Variants in SYNDIG1 observed in about 807,000 individuals in gnomAD.
SYNDIG1 encodes synapse differentiation inducing 1, also known as synapse differentiation-inducing gene protein 1.
Under a neutral mutation model 19.4 loss-of-function variants are expected in SYNDIG1, and 9 were observed. The observed-to-expected ratio is 0.46, with a 90% CI of 0.28 to 0.81. SYNDIG1 has a LOEUF of 0.81. Ranked by LOEUF, SYNDIG1 falls within the 30% of genes least tolerant of loss-of-function variation. SYNDIG1 has a pLI of 0.12. For synonymous variants in SYNDIG1, 141 were observed against 145.9 expected (o/e 0.97, Z 0.24); for missense variants, 311 against 343.3 (o/e 0.91, Z 0.74).
At chr20:24,644,000 T>G (rs2059402414) in intron 3 of SYNDIG1, among the ~76,000 whole-genome samples, 1 of 152,258 alleles carries the variant, frequency 6.6e-6, no homozygotes, top group Admixed American at 6.5e-5. Flanking sequence ...TCATATATTT[T>G]GAAATGCAAG....
chr20:24,524,157 T>C (rs560802718), intron 1 of SYNDIG1, among the ~76,000 whole-genome samples: 1 of 152,300 alleles, frequency 6.6e-6, no homozygotes, highest in Non-Finnish European at 1.5e-5. Context: ...AAGGTTTTTC[T>C]CGCAACTTCG....
chr20:24,609,257 A>G (rs2058809902), intron 3 of SYNDIG1, among the ~76,000 whole-genome samples: 1 of 152,170 alleles, frequency 6.6e-6, no homozygotes, highest in Non-Finnish European at 1.5e-5. Flanking sequence ...CCAGACAGAG[A>G]GCATAGCAAA....
chr20:24,527,778 G>A (rs1160970413), intron 1 of SYNDIG1, among the ~76,000 whole-genome samples: 2 of 152,100 alleles, frequency 1.3e-5, no homozygotes, highest in South Asian at 2.1e-4. Context: ...CTGCAGCAGC[G>A]TCACCTATGA....
At chr20:24,483,505 A>G (rs116430288) in intron 1 of SYNDIG1, among the ~76,000 whole-genome samples, 2,169 of 152,302 alleles carry the variant, frequency 0.014, 47 homozygotes, top group African/African-American at 0.05. Flanking sequence ...GCTAGCACAC[A>G]TTATGTGCTC....
intron 1 of SYNDIG1, among the ~76,000 whole-genome samples, chr20:24,498,169 T>C (rs1306638110): frequency 6.6e-6 from 1 of 152,214 alleles, no homozygotes; most frequent in Non-Finnish European, 1.5e-5. Flanking sequence ...GTTTAACGTA[T>C]GCAACTTGAG....
At chr20:24,636,481 C>T (rs771294586) in intron 3 of SYNDIG1, among the ~76,000 whole-genome samples, 26 of 152,202 alleles carry the variant, frequency 1.7e-4, no homozygotes, top group Non-Finnish European at 3.1e-4. Context: ...GTCTGATTTA[C>T]ATAGGGCCCA....
At chr20:24,524,875 C>G (rs2057088813) in intron 1 of SYNDIG1, among the ~76,000 whole-genome samples, 1 of 152,076 alleles carries the variant, frequency 6.6e-6, no homozygotes, top group Non-Finnish European at 1.5e-5. Context: ...TGTGGATCCT[C>G]TGTGTGGTAT....
intron 1 of SYNDIG1, among the ~76,000 whole-genome samples, chr20:24,512,614 G>A (rs2056773496): frequency 6.6e-6 from 1 of 152,150 alleles, no homozygotes; most frequent in African/African-American, 2.4e-5. Context: ...CATTGCTGAG[G>A]CTTGAGTAGG....
In SYNDIG1 at chr20:24,561,827, A is replaced by C. The variant is rs1048915121; in HGVS notation, c.480+18250A>C. ...GGACAAAGAATGTGTTGATGCCCAC[A>C]CATGGCTTGTGGTTAGGTTGAGAAT... On this transcript the variant is annotated intron_variant, in intron 2 of 3. Transcript: ENST00000376862. Among the ~76,000 whole-genome samples, 4 of 152,348 alleles carry C rather than the reference A, an allele frequency of 2.6e-5. No individual in the cohort carries two copies. The East Asian group carries it at 7.7e-4, about 29-fold the overall frequency.
At chr20:24,561,542 T>A (rs979129558) in intron 2 of SYNDIG1, among the ~76,000 whole-genome samples, 1 of 152,222 alleles carries the variant, frequency 6.6e-6, no homozygotes, top group Non-Finnish European at 1.5e-5. Flanking sequence ...AGCTGATGGA[T>A]GGCTTGGAGC....
At chr20:24,477,016 A>C (rs925215926) in intron 1 of SYNDIG1, among the ~76,000 whole-genome samples, 3 of 152,250 alleles carry the variant, frequency 2.0e-5, no homozygotes, top group Non-Finnish European at 4.4e-5. Flanking sequence ...AGGACATCAC[A>C]GTCTATTTTA....
chr20:24,598,337 T>C (rs6049805), intron 3 of SYNDIG1, among the ~76,000 whole-genome samples: 125,969 of 152,248 alleles, frequency 0.83, 52,742 homozygotes, highest in African/African-American at 0.94. Context: ...ATAAATTTTA[T>C]GAATTGGAAT....
chr20:24,531,709 A>G (rs976318642), intron 1 of SYNDIG1, among the ~76,000 whole-genome samples: 2 of 152,156 alleles, frequency 1.3e-5, no homozygotes, highest in African/African-American at 4.8e-5. Context: ...TCACTTTTAC[A>G]ATGCATAATT....
rs1031004135 is a variant in SYNDIG1 at position 24,647,473 on chromosome 20, C to T, written c.619-17873C>T. ...ATACGAACATCCTCTTTGAGCCAAACACTTTCTTTGGGAAGGGGAATGGTG... is the reference window on the plus strand; with the variant it reads ...ATACGAACATCCTCTTTGAGCCAAATACTTTCTTTGGGAAGGGGAATGGTG... On this transcript the variant is annotated intron_variant, in intron 3 of 3. Coordinates refer to ENST00000376862, the MANE Select transcript of SYNDIG1 (RefSeq NM_024893.3). 4.6e-5 allele frequency among the ~76,000 whole-genome samples: 7 copies of T among 152,212 alleles called. No homozygotes were observed. The South Asian group carries it at 1.5e-3, about 32-fold the overall frequency.
At chr20:24,508,251 CAG>C (rs1186459207) in intron 1 of SYNDIG1, among the ~76,000 whole-genome samples, 1 of 64,260 alleles carries the variant, frequency 1.6e-5, no homozygotes, top group Non-Finnish European at 2.6e-5. Flanking sequence ...TTTTTTGTGA[CAG>C]AGTCTCACTC....
rs1207556592 is a variant in SYNDIG1, at chr20:24,626,018, C to T, written c.619-39328C>T. Among the ~76,000 whole-genome samples, 1,053 of 149,136 alleles carry T rather than the reference C, an allele frequency of 7.1e-3. 15 individuals are homozygous for T. The highest frequency in any genetic ancestry group is 0.024 in the African/African-American group (971 of 39,908). Reference sequence around the variant, plus strand: ...CTGGCCCCCCCACCTCCCTCCCGGACGGGGTGGCTGGCCAGGTGGGGGGCT... The same window carrying T: ...CTGGCCCCCCCACCTCCCTCCCGGATGGGGTGGCTGGCCAGGTGGGGGGCT... On this transcript the variant is annotated intron_variant, in intron 3 of 3. Transcript: ENST00000376862.
At chr20:24,525,148 A>T (rs1426294591) in intron 1 of SYNDIG1, among the ~76,000 whole-genome samples, 1 of 152,082 alleles carries the variant, frequency 6.6e-6, no homozygotes, top group Non-Finnish European at 1.5e-5. Flanking sequence ...TCAAATGGTT[A>T]TTAAGAAAGC....
At chr20:24,635,390 G>A (rs749290075) in intron 3 of SYNDIG1, among the ~76,000 whole-genome samples, 3 of 152,052 alleles carry the variant, frequency 2.0e-5, no homozygotes, top group South Asian at 2.1e-4. Context: ...CTGCCTTTCC[G>A]AACGCGCTCT....
At chr20:24,660,473 G>A (rs1035068906) in intron 3 of SYNDIG1, among the ~76,000 whole-genome samples, 3 of 152,186 alleles carry the variant, frequency 2.0e-5, no homozygotes, top group African/African-American at 7.2e-5. Flanking sequence ...GGGCATGGCT[G>A]CACACACAGC....
Sources: allele counts gnomAD v4.1 joint callset (sites outside exome capture counted in the v4.1 genomes callset), GRCh38; gene constraint gnomAD v4.1.1; transcripts MANE v1.5; gene names NCBI Gene and HGNC (gene_info 2026-07-23, HGNC 2026-07-21).